The following WDPCP variants were observed in gnomAD, a reference collection of about 807,000 sequenced individuals.
The protein encoded by WDPCP is WD repeat-containing and planar cell polarity effector protein fritz homolog.
WDPCP carries 71 observed loss-of-function variants against 93.1 expected under a neutral mutation model. The ratio of observed to expected loss-of-function variants is 0.76; its 90% CI spans 0.63 to 0.93. The LOEUF (loss-of-function observed/expected upper bound fraction) is 0.93, where lower values mean the gene tolerates loss of function less well. Ranked by LOEUF, WDPCP falls within the 40% of genes least tolerant of loss-of-function variation. WDPCP has a pLI of 0.00. For missense variants in WDPCP, 844 were observed against 887.4 expected, an observed-to-expected ratio of 0.95 and a Z score of 0.62; for synonymous variants, 315 against 315.0, an observed-to-expected ratio of 1.00 and a Z score of 0.00.
chr2:63,134,955 T>A (rs778688659), intron 17 of WDPCP, among the ~76,000 whole-genome samples: 19 of 152,256 alleles, frequency 1.2e-4, no homozygotes, highest in South Asian at 4.1e-4. Flanking sequence ...AAACCCTGTC[T>A]CTACAAAAAA....
chr2:63,799,921 T>C (rs1343596052), intron 2 of WDPCP, among the ~76,000 whole-genome samples: 1 of 152,166 alleles, frequency 6.6e-6, no homozygotes, highest in African/African-American at 2.4e-5. Context: ...CTTCCTCCAT[T>C]GTGGGGGATG....
chr2:63,188,454 C>T (rs1226560210), intron 14 of WDPCP, among the ~76,000 whole-genome samples: 2 of 151,716 alleles, frequency 1.3e-5, no homozygotes, highest in African/African-American at 2.4e-5. Flanking sequence ...TTGAACCCCT[C>T]TAGTGAATTA....
chr2:63,161,196 GA>G (rs1672616890), intron 15 of WDPCP, among the ~76,000 whole-genome samples: 1 of 152,236 alleles, frequency 6.6e-6, no homozygotes, highest in African/African-American at 2.4e-5. Flanking sequence ...CATATCTGCA[GA>G]AGGCAGTTCA....
At chr2:63,417,358 A>G (rs898863290) in intron 9 of WDPCP, among the ~76,000 whole-genome samples, 15 of 152,222 alleles carry the variant, frequency 9.9e-5, no homozygotes, top group Non-Finnish European at 4.4e-5. Flanking sequence ...GGCATATGGT[A>G]GTAGCTCAAT....
intron 6 of WDPCP, among the ~76,000 whole-genome samples, chr2:63,471,936 A>AT (rs538725157): frequency 0.013 from 1,921 of 150,746 alleles, 44 homozygotes; most frequent in African/African-American, 0.043. Flanking sequence ...ACAATTTAGA[A>AT]TTTTTTTTTT....
At chr2:63,758,349 A>G (rs764375024) in intron 2 of WDPCP, among the ~76,000 whole-genome samples, 14 of 152,070 alleles carry the variant, frequency 9.2e-5, no homozygotes, top group Non-Finnish European at 1.9e-4. Flanking sequence ...GAGGGCCTCA[A>G]TGAAAGTTTA....
At chr2:63,375,939 G>T (rs1019329407) in intron 12 of WDPCP, among the ~76,000 whole-genome samples, 2 of 151,772 alleles carry the variant, frequency 1.3e-5, no homozygotes, top group Non-Finnish European at 2.9e-5. Flanking sequence ...CCCTATGATG[G>T]TCTTTACTGT....
At chr2:63,562,248 C>T (rs1470994868) in intron 1 of WDPCP, among the ~76,000 whole-genome samples, 1 of 152,166 alleles carries the variant, frequency 6.6e-6, no homozygotes, top group Non-Finnish European at 1.5e-5. Context: ...AAGCCATTAT[C>T]CTCAGCAAAC....
At chr2:63,414,811 CA>C (rs1695292086) in intron 9 of WDPCP, among the ~76,000 whole-genome samples, 2 of 152,086 alleles carry the variant, frequency 1.3e-5, no homozygotes, top group Admixed American at 6.6e-5. Context: ...CAAAATCTCC[CA>C]AATCATCACT....
intron 10 of WDPCP, among the ~76,000 whole-genome samples, chr2:63,387,644 A>G (rs1469700953): frequency 6.6e-6 from 1 of 152,112 alleles, no homozygotes; most frequent in Non-Finnish European, 1.5e-5. Flanking sequence ...CAGGCAAGAG[A>G]AAGAAATAAA....
At chr2:63,483,926 A>G (rs1447141479) in intron 6 of WDPCP, among the ~76,000 whole-genome samples, 1 of 151,978 alleles carries the variant, frequency 6.6e-6, no homozygotes, top group Non-Finnish European at 1.5e-5. Flanking sequence ...TACCCATTCA[A>G]TACTTAGATC....
intron 14 of WDPCP, among the ~76,000 whole-genome samples, chr2:63,258,137 T>A (rs971801710): frequency 3.3e-5 from 5 of 152,218 alleles, no homozygotes; most frequent in Non-Finnish European, 7.3e-5. Context: ...TATTAAGTGC[T>A]ATTATTAGTA....
chr2:63,522,708 T>C (rs1307388202), intron 1 of WDPCP, among the ~76,000 whole-genome samples: 4 of 152,078 alleles, frequency 2.6e-5, no homozygotes, highest in African/African-American at 9.7e-5. Context: ...CTAGGAAATC[T>C]ACCAGAAATG....
At chr2:63,551,879 C>A (rs1705679134) in intron 1 of WDPCP, among the ~76,000 whole-genome samples, 1 of 151,218 alleles carries the variant, frequency 6.6e-6, no homozygotes, top group South Asian at 2.1e-4. Flanking sequence ...TCTAACCTAT[C>A]CCCATCACAG....
intron 2 of WDPCP, among the ~76,000 whole-genome samples, chr2:63,789,669 T>C (rs1670518767): frequency 1.3e-5 from 2 of 152,222 alleles, no homozygotes; most frequent in South Asian, 4.1e-4. Flanking sequence ...AACAATATTT[T>C]TCCTTATGCT....
intron 15 of WDPCP, among the ~76,000 whole-genome samples, chr2:63,172,519 A>G (rs1365798711): frequency 2.0e-5 from 3 of 151,588 alleles, no homozygotes; most frequent in Non-Finnish European, 4.4e-5. Flanking sequence ...CACCCCTCCA[A>G]AAAATAATAA....
intron 9 of WDPCP, among the ~76,000 whole-genome samples, chr2:63,413,919 C>A (rs555137430): frequency 2.0e-5 from 3 of 151,874 alleles, no homozygotes; most frequent in Non-Finnish European, 4.4e-5. Flanking sequence ...AAAATCTTCA[C>A]AATCTGTACA....
intron 10 of WDPCP, among the ~76,000 whole-genome samples, chr2:63,398,887 C>A (rs1486424138): frequency 1.3e-5 from 2 of 152,102 alleles, no homozygotes; most frequent in Non-Finnish European, 2.9e-5. Flanking sequence ...AGAATCAGCA[C>A]TGACAAATTC....
At chr2:63,371,217 A>G (rs1691352019) in intron 12 of WDPCP, among the ~76,000 whole-genome samples, 1 of 152,062 alleles carries the variant, frequency 6.6e-6, no homozygotes, top group Non-Finnish European at 1.5e-5. Context: ...TGACTTCTCT[A>G]TTATATTCTT....
Sources: gnomAD v4.1 joint callset for allele counts (sites outside exome capture counted in the v4.1 genomes callset) on GRCh38, gnomAD v4.1.1 for gene constraint, MANE v1.5 for transcripts, NCBI Gene and HGNC (gene_info 2026-07-23, HGNC 2026-07-21) for gene names.